Variants in GLB1L2 observed in about 807,000 individuals in gnomAD.
GLB1L2 encodes beta-galactosidase-1-like protein 2.
In GLB1L2, 68 loss-of-function variants were observed where a neutral mutation model predicts 84.1. The ratio of observed to expected loss-of-function variants is 0.81; its 90% confidence interval spans 0.67 to 0.99. The LOEUF (loss-of-function observed/expected upper bound fraction) is 0.99. Ranked by LOEUF, GLB1L2 falls within the 50% of genes least tolerant of loss-of-function variation. GLB1L2 has a pLI of 0.00. For synonymous variants in GLB1L2, 290 were observed against 318.0 expected, an observed-to-expected ratio of 0.91 and a Z score of 0.94; for missense variants, 762 against 805.6, an observed-to-expected ratio of 0.95 and a Z score of 0.66.
chr11:134,374,879 A>G lies in GLB1L2; in HGVS notation c.1825-93A>G, dbSNP rs1184347507. ...CCTGTCCCTTCCAGCCTGGTTCCCA[A>G]ACCCTTTCCTTCTGACCCTGCCACC... On this transcript the variant is annotated intron_variant, in intron 18 of 18. Coordinates refer to ENST00000535456, the MANE Select transcript of GLB1L2 (RefSeq NM_001370461.1). 5 of 1,341,760 alleles carry G rather than the reference A, an allele frequency of 3.7e-6. No homozygotes were observed. In the Admixed American group the frequency reaches 7.3e-5, roughly 20 times the overall value. The allele number at this position is 1,341,760 out of a possible 1,614,324, so 83.1% of individuals were successfully genotyped here.
At chr11:134,333,164 A>G (rs1284053953) in intron 1 of GLB1L2, among the ~76,000 whole-genome samples, 1 of 152,184 alleles carries the variant, frequency 6.6e-6, no homozygotes, top group Non-Finnish European at 1.5e-5. Flanking sequence ...CTATGTTTAC[A>G]CCTTGTCAAG....
chr11:134,374,773 C>T, intron 18 of GLB1L2, 55 bp downstream of exon 18: 1 of 1,444,166 alleles, frequency 6.9e-7, no homozygotes, highest in Non-Finnish European at 9.7e-7. Context: ...ACCTGCCGTC[C>T]CAGGGAGCCT....
chr11:134,357,286 G>A (rs73604978), intron 6 of GLB1L2, among the ~76,000 whole-genome samples: 5,769 of 152,316 alleles, frequency 0.038, 182 homozygotes, highest in African/African-American at 0.086. Context: ...GTCCCTCCAC[G>A]TGGGAGACCG....
chr11:134,348,577 T>C (rs1442932515), intron 5 of GLB1L2, among the ~76,000 whole-genome samples: 1 of 152,220 alleles, frequency 6.6e-6, no homozygotes, highest in Non-Finnish European at 1.5e-5. Flanking sequence ...CACATAGTTA[T>C]TTAATTTTTG....
At chr11:134,353,069 T>A (rs932435641) in intron 5 of GLB1L2, among the ~76,000 whole-genome samples, 5 of 152,332 alleles carry the variant, frequency 3.3e-5, no homozygotes, top group Admixed American at 3.3e-4. Context: ...CATTCCATTG[T>A]GATTGGGAAA....
At chr11:134,353,460 G>T (rs1943662827) in intron 5 of GLB1L2, among the ~76,000 whole-genome samples, 1 of 152,034 alleles carries the variant, frequency 6.6e-6, no homozygotes, top group Non-Finnish European at 1.5e-5. Context: ...CTTACTATAT[G>T]GTTTATCCTG....
chr11:134,369,777 G>T, intron 10 of GLB1L2, 28 bp from the exon 11 acceptor site: 2 of 1,598,992 alleles, frequency 1.3e-6, no homozygotes, highest in South Asian at 2.2e-5. Context: ...GGACAGGAAT[G>T]ACCATGACAG....
intron 5 of GLB1L2, among the ~76,000 whole-genome samples, chr11:134,348,190 A>T (rs952855114): frequency 1.3e-5 from 2 of 152,244 alleles, no homozygotes; most frequent in African/African-American, 2.4e-5. Context: ...GCCAGATGAA[A>T]CACAGGATGC....
rs1591622150 is a variant in GLB1L2, at chr11:134,364,555, C to A, written c.804+157C>A. The stretch of plus-strand genomic sequence containing the variant: ...CCCATGCCACTGTGTGCCTGCAAGG[C>A]CCGCTGCCCAGAAACACCTCTGAGG... On this transcript the variant is annotated intron_variant, in intron 8 of 18. Coordinates refer to ENST00000535456, the MANE Select transcript of GLB1L2 (RefSeq NM_001370461.1). 4 of 642,752 alleles carry A rather than the reference C, an allele frequency of 6.2e-6. No homozygotes were observed. The East Asian group carries it at 7.9e-5, about 13-fold the overall frequency. 39.8% of individuals were successfully genotyped at this position (642,752 alleles called of 1,614,324 possible).
chr11:134,370,941 A>G lies in GLB1L2; in HGVS notation c.1216-67A>G, dbSNP rs1943944201. ...GCTTCCACCCCATGTGCCAGCCCCC[A>G]GGCAGAGTCTGTCTGTGACCCCACT... is the stretch of plus-strand genomic sequence containing the variant. On this transcript the variant is annotated intron_variant, in intron 12 of 18. Coordinates refer to ENST00000535456, the MANE Select transcript of GLB1L2 (RefSeq NM_001370461.1). The surrounding 1 kb of genome is among the most constrained non-coding windows in gnomAD (Gnocchi z 4.7). 3 of 1,581,244 alleles carry G rather than the reference A, an allele frequency of 1.9e-6. No homozygotes were observed. The highest frequency in any genetic ancestry group is 2.3e-5 in the South Asian group (2 of 86,362).
At chr11:134,358,773 T>C (rs1943740316) in intron 6 of GLB1L2, among the ~76,000 whole-genome samples, 1 of 152,132 alleles carries the variant, frequency 6.6e-6, no homozygotes, top group Non-Finnish European at 1.5e-5. Context: ...TAGACTCGCC[T>C]AGGCATGCTA....
intron 2 of GLB1L2, among the ~76,000 whole-genome samples, chr11:134,343,644 C>T (rs374181908): frequency 2.0e-4 from 31 of 152,132 alleles, no homozygotes; most frequent in African/African-American, 6.0e-4. Flanking sequence ...AAGACAGTTC[C>T]TTAAAGAGTT....
At chr11:134,353,969 C>T (rs369583869) in intron 5 of GLB1L2, among the ~76,000 whole-genome samples, 20 of 152,218 alleles carry the variant, frequency 1.3e-4, no homozygotes, top group African/African-American at 3.6e-4. Flanking sequence ...AGTTGGATAT[C>T]GGTTTGTTAA....
In GLB1L2 at chr11:134,338,613, C is replaced by T. The variant is rs553652154; in HGVS notation, c.87-4141C>T. Among the ~76,000 whole-genome samples, 5 of 152,322 alleles carry T rather than the reference C, an allele frequency of 3.3e-5. No homozygotes were observed. The East Asian group carries it at 9.6e-4, about 29-fold the overall frequency. ...CAAGGAAAAATTACTCCAGAGGGCT[C>T]CACCTCCCCCTGCTTCCTCACCACG... On this transcript the variant is annotated intron_variant, in intron 1 of 18. Coordinates refer to ENST00000535456, the MANE Select transcript of GLB1L2 (RefSeq NM_001370461.1). The surrounding 1 kb of genome is among the most constrained non-coding windows in gnomAD (Gnocchi z 6.2).
At position 134,375,023 on chromosome 11, in the gene GLB1L2, AC is replaced by A; in HGVS notation, c.1882del (p.His628ThrfsTer29). ...GGGCCCTGCATTACAGTTCACGGAA[AC>A]CCCCCACCTGGGCAGGAACCAGTAC... Reference protein sequence around the residue: ...MAGPALQFTETPHLGRNQYIK With the variant: ...MAGPALQFTEXPHLGRNQYIK On this transcript the variant is annotated frameshift_variant, in exon 19 of 19. Transcript: ENST00000535456. LOFTEE classifies it high-confidence loss of function. 1 of 1,613,414 alleles carries A rather than the reference AC, an allele frequency of 6.2e-7. No individual in the cohort carries two copies. Among genetic ancestry groups the A allele is most frequent in the Middle Eastern group, 1.7e-4 (1 of 6,060 alleles).
rs747411004 is a variant in GLB1L2 at position 134,356,338 on chromosome 11, A to C, written c.596A>C (p.Glu199Ala). 1.4e-5 allele frequency: 22 copies of C among 1,613,984 alleles called. No individual in the cohort carries two copies. Among genetic ancestry groups the C allele is most frequent in the Non-Finnish European group, 1.8e-5 (21 of 1,179,976 alleles). ...GGACCTATCATTGCCGTGCAGGTGG[A>C]GAATGAATATGGTTCCTATAATAAA... ...RGGPIIAVQV[E>A]NEYGSYNKDP... The change falls in exon 6 of 19, where the codon GAG (glutamate) becomes GCG (alanine). Residue 199 changes from glutamate (E) to alanine (A), a missense_variant. Around this residue, in one of 3 missense-constraint regions of GLB1L2, gnomAD observed 603 missense variants for 611.7 expected, o/e 0.99. Coordinates refer to ENST00000535456, the MANE Select transcript of GLB1L2 (RefSeq NM_001370461.1).
intron 3 of GLB1L2, 45 bp from the exon 4 acceptor site, chr11:134,344,989 A>T (rs757520492): frequency 1.3e-6 from 2 of 1,593,382 alleles, no homozygotes; most frequent in African/African-American, 2.7e-5. Flanking sequence ...ACCCGGCCTC[A>T]TCCTGGGCCG....
At position 134,356,402 on chromosome 11, in the gene GLB1L2, C is replaced by A; in HGVS notation, c.651+9C>A. 6.3e-7 allele frequency: 1 copy of A among 1,588,844 alleles called. No individual in the cohort carries two copies. The highest frequency in any genetic ancestry group is 8.6e-7 in the Non-Finnish European group (1 of 1,157,400). On this transcript the variant is annotated intron_variant, in intron 6 of 18. Coordinates refer to ENST00000535456, the MANE Select transcript of GLB1L2 (RefSeq NM_001370461.1). ...TGCCCTACGTCAAGAAGGTAAGAAT[C>A]CTCTTAGTGCGTTTCTTTAGATTCC...
chr11:134,346,335 C>G (rs977203705), intron 4 of GLB1L2: 1 of 152,562 alleles, frequency 6.6e-6, no homozygotes, highest in African/African-American at 2.4e-5. Flanking sequence ...GCGATTTCCT[C>G]GGCTCAGCCG....
Sources: allele counts gnomAD v4.1 joint callset (sites outside exome capture counted in the v4.1 genomes callset), GRCh38; gene constraint gnomAD v4.1.1; regional missense constraint gnomAD v4.1.1; non-coding constraint Gnocchi (gnomAD v3.1); transcripts MANE v1.5; gene names NCBI Gene and HGNC (gene_info 2026-07-23, HGNC 2026-07-21).